Variants in ATAD2B observed in about 807,000 individuals in gnomAD.
The protein encoded by ATAD2B is ATPase family AAA domain-containing protein 2B.
A neutral mutation model predicts 167.6 loss-of-function variants in ATAD2B; 40 were observed. The ratio of observed to expected loss-of-function variants is 0.24; its 90% CI spans 0.19 to 0.31. ATAD2B has a LOEUF of 0.31. ATAD2B is among the 10% of genes least tolerant of loss of function. ATAD2B has a pLI of 1.00. For synonymous variants in ATAD2B, 579 were observed against 596.5 expected, an observed-to-expected ratio of 0.97 and a Z score of 0.43; for missense variants, 1,242 against 1,757.2, an observed-to-expected ratio of 0.71 and a Z score of 5.24.
At chr2:23,879,340 A>G (rs947859848) in intron 7 of ATAD2B, among the ~76,000 whole-genome samples, 1 of 152,134 alleles carries the variant, frequency 6.6e-6, no homozygotes, top group Non-Finnish European at 1.5e-5. Flanking sequence ...AGCTGGATGC[A>G]GAGGTTCAAG....
the ATAD2B span, among the ~76,000 whole-genome samples, chr2:23,721,557 G>T: frequency 1.3e-5 from 2 of 152,078 alleles, no homozygotes; most frequent in Non-Finnish European, 2.9e-5. Flanking sequence ...CCCATGAGCT[G>T]CCCCAGGCAG....
the ATAD2B span, chr2:23,695,849 CAAG>C: frequency 6.5e-7 from 1 of 1,540,288 alleles, no homozygotes. This position sits in a 1 kb window ranked among gnomAD's most constrained non-coding sequence, Gnocchi z 7.6. Context: ...CCGAACCTCC[CAAG>C]AAGCAGTGTC....
chr2:23,853,954 T>TA (rs942333717), intron 13 of ATAD2B, among the ~76,000 whole-genome samples: 2 of 152,022 alleles, frequency 1.3e-5, no homozygotes, highest in African/African-American at 4.8e-5. Context: ...AGTATCTGTA[T>TA]AAAAAAATAG....
intron 27 of ATAD2B, among the ~76,000 whole-genome samples, chr2:23,753,015 A>T (rs1042877059): frequency 2.0e-4 from 30 of 152,144 alleles, no homozygotes; most frequent in East Asian, 3.9e-4. Context: ...TTCTAGAATT[A>T]AAAAAAATGT....
intron 13 of ATAD2B, 64 bp downstream of exon 13, chr2:23,857,351 T>A: frequency 1.1e-6 from 1 of 890,368 alleles, no homozygotes; most frequent in Non-Finnish European, 1.7e-6. Flanking sequence ...AGCTAAGGGC[T>A]AAGGCTAACT....
At chr2:23,711,361 T>C in the ATAD2B span, among the ~76,000 whole-genome samples, 1 of 107,778 alleles carries the variant, frequency 9.3e-6, no homozygotes, top group African/African-American at 4.2e-5. Context: ...TTTTTTTTTT[T>C]TTTTTTTTTT....
chr2:23,703,990 CT>C, the ATAD2B span: 1 of 1,112,904 alleles, frequency 9.0e-7, no homozygotes, highest in South Asian at 1.6e-5. Context: ...GGCCCTCCCC[CT>C]CCAACCACAG....
chr2:23,714,810 G>A, the ATAD2B span, among the ~76,000 whole-genome samples: 2 of 151,070 alleles, frequency 1.3e-5, no homozygotes, highest in African/African-American at 2.4e-5. Context: ...AGCCAAGATC[G>A]CACCACTGCA....
At chr2:23,679,863 T>C in the ATAD2B span, among the ~76,000 whole-genome samples, 1 of 151,968 alleles carries the variant, frequency 6.6e-6, no homozygotes, top group South Asian at 2.1e-4. Flanking sequence ...GGATAAATAC[T>C]GCTTGGCCAG....
At chr2:23,921,079 G>A (rs1264527917) in intron 1 of ATAD2B, among the ~76,000 whole-genome samples, 1 of 151,694 alleles carries the variant, frequency 6.6e-6, no homozygotes, top group African/African-American at 2.4e-5. Context: ...GGTGGCAGGC[G>A]CCTGTAATGC....
intron 1 of ATAD2B, among the ~76,000 whole-genome samples, chr2:23,917,462 C>T (rs1432943110): frequency 2.0e-5 from 3 of 152,116 alleles, no homozygotes; most frequent in African/African-American, 7.2e-5. Flanking sequence ...AACTTTACTC[C>T]CCCTAGAGAT....
At chr2:23,922,088 T>C (rs934255621) in intron 1 of ATAD2B, among the ~76,000 whole-genome samples, 42 of 152,272 alleles carry the variant, frequency 2.8e-4, no homozygotes, top group African/African-American at 1.0e-3. Flanking sequence ...ACTTCTAAAG[T>C]TACTCAAAAT....
intron 24 of ATAD2B, among the ~76,000 whole-genome samples, chr2:23,761,391 G>A (rs996792731): frequency 8.5e-5 from 13 of 152,170 alleles, no homozygotes; most frequent in African/African-American, 2.2e-4. Context: ...CTGACATGTC[G>A]TTCAAAGTAA....
In ATAD2B at chr2:23,757,893, T is replaced by C. The variant is rs1286731154; in HGVS notation, c.3603A>G (p.Leu1201=). 1.2e-5 allele frequency: 20 copies of C among 1,601,850 alleles called. No individual in the cohort carries two copies. Among genetic ancestry groups the C allele is most frequent in the Non-Finnish European group, 1.7e-5 (20 of 1,176,722 alleles). ...HEENGEETGD[L]SMTNDESSCD... ...AGGATGATTCATCATTGGTCATAGA[T>C]AAGTCTCCAGTCTCTTCTCCATTTT... Residue 1201 remains leucine (L), a synonymous_variant, in exon 25 of 28, where the codon TTA becomes TTG. Coordinates refer to ENST00000238789, the MANE Select transcript of ATAD2B (RefSeq NM_017552.4).
chr2:23,776,755 T>C (rs183780783), intron 22 of ATAD2B, among the ~76,000 whole-genome samples: 56 of 152,306 alleles, frequency 3.7e-4, no homozygotes, highest in Middle Eastern at 6.8e-3. Context: ...CTTAAGACAT[T>C]ATTCATGATT....
chr2:23,890,031 G>A (rs570510139), intron 2 of ATAD2B, among the ~76,000 whole-genome samples: 5 of 151,120 alleles, frequency 3.3e-5, no homozygotes, highest in African/African-American at 9.7e-5. Context: ...TGGCTAACAC[G>A]GTGAAACCCC....
intron 1 of ATAD2B, among the ~76,000 whole-genome samples, chr2:23,913,956 G>A (rs1303879964): frequency 6.6e-6 from 1 of 151,924 alleles, no homozygotes. Flanking sequence ...GACAGAGCAG[G>A]ACCCTGGTCA....
chr2:23,693,545 C>T, the ATAD2B span: 3 of 1,538,838 alleles, frequency 1.9e-6, no homozygotes, highest in Non-Finnish European at 2.6e-6. Context: ...CCTGCCCTGT[C>T]CCCCGCCCCT....
intron 1 of ATAD2B, among the ~76,000 whole-genome samples, chr2:23,917,885 C>A (rs569717981): frequency 1.3e-5 from 2 of 151,932 alleles, no homozygotes; most frequent in Non-Finnish European, 2.9e-5. Context: ...ATGGAGAAAC[C>A]CTGTCTCTAC....
Sources: allele counts gnomAD v4.1 joint callset (sites outside exome capture counted in the v4.1 genomes callset), GRCh38; gene constraint gnomAD v4.1.1; non-coding constraint Gnocchi (gnomAD v3.1); transcripts MANE v1.5; gene names NCBI Gene and HGNC (gene_info 2026-07-23, HGNC 2026-07-21).